The following PTPRN2 variants were observed in gnomAD, a reference collection of about 807,000 sequenced individuals.
PTPRN2 encodes the protein protein tyrosine phosphatase receptor type N2, also known as receptor-type tyrosine-protein phosphatase N2.
Under a neutral mutation model 118.8 loss-of-function variants are expected in PTPRN2, and 74 were observed. The observed-to-expected ratio is 0.62, with a 90% confidence interval of 0.52 to 0.76. PTPRN2 has a LOEUF of 0.76. Among genes scored for constraint, PTPRN2 ranks in the 30% least tolerant of loss-of-function variants. PTPRN2 has a pLI of 0.00. For synonymous variants in PTPRN2, 641 were observed against 608.0 expected, an observed-to-expected ratio of 1.05 and a Z score of -0.80; for missense variants, 1,481 against 1,394.4, an observed-to-expected ratio of 1.06 and a Z score of -0.99.
intron 11 of PTPRN2, among the ~76,000 whole-genome samples, chr7:157,919,292 C>G (rs1310948053): frequency 6.6e-6 from 1 of 152,118 alleles, no homozygotes; most frequent in Non-Finnish European, 1.5e-5. Context: ...ACAAAACTCT[C>G]TCATCATTTG....
rs1017207519 is a variant in PTPRN2 at position 157,583,658 on chromosome 7, C to T, written c.2497-5518G>A. Among the ~76,000 whole-genome samples the T allele has an allele frequency of 6.6e-5, 10 of 152,136 alleles. No homozygotes were observed. Among genetic ancestry groups the T allele is most frequent in the Admixed American group, 1.3e-4 (2 of 15,286 alleles). On this transcript the variant is annotated intron_variant, in intron 17 of 22. Coordinates refer to ENST00000389418, the MANE Select transcript of PTPRN2 (RefSeq NM_002847.5). This position sits in a 1 kb window ranked among gnomAD's most constrained non-coding sequence, Gnocchi z 5.5. Reference sequence around the variant, plus strand: ...CAGCACTTTGGGAGGCCAAGGCAGGCGAATCACTTGAGGTCAGGAGTTCGA... The same window carrying T: ...CAGCACTTTGGGAGGCCAAGGCAGGTGAATCACTTGAGGTCAGGAGTTCGA...
chr7:158,355,628 C>A (rs973329211), intron 2 of PTPRN2, among the ~76,000 whole-genome samples: 11 of 152,326 alleles, frequency 7.2e-5, no homozygotes, highest in Non-Finnish European at 1.3e-4. Context: ...CGCAGCAGTG[C>A]AGAGGGATGT....
intron 11 of PTPRN2, among the ~76,000 whole-genome samples, chr7:158,052,338 C>T (rs779099480): frequency 1.3e-5 from 2 of 152,190 alleles, no homozygotes; most frequent in South Asian, 2.1e-4. Context: ...AATTGGATTG[C>T]GAAAGTTAAA....
At chr7:158,392,001 G>A (rs962969100) in intron 2 of PTPRN2, among the ~76,000 whole-genome samples, 2 of 152,334 alleles carry the variant, frequency 1.3e-5, no homozygotes, top group Non-Finnish European at 1.5e-5. Context: ...AGGAGGGACC[G>A]TTTGCAGGGC....
rs1345980347 is a variant in PTPRN2 at position 157,779,557 on chromosome 7, T to TG, written c.1789-96621dup. 2.0e-5 allele frequency among the ~76,000 whole-genome samples: 3 copies of TG among 151,740 alleles called. No homozygotes were observed. The highest frequency in any genetic ancestry group is 2.0e-4 in the Admixed American group (3 of 15,232). On this transcript the variant is annotated intron_variant, in intron 12 of 22. Transcript: ENST00000389418. The surrounding 1 kb of genome is among the most constrained non-coding windows in gnomAD (Gnocchi z 4.7). ...TTGTCCCCAGCAGGGCGACGGAGGG[T>TG]GGGGGCGGCAGGCTGTCTCCGGTGC...
chr7:158,162,195 C>T (rs1275234952), intron 6 of PTPRN2, among the ~76,000 whole-genome samples: 1 of 152,180 alleles, frequency 6.6e-6, no homozygotes, highest in Non-Finnish European at 1.5e-5. Context: ...GCTTCCAAAA[C>T]CAAACATTCT....
Position 158,406,385 on chromosome 7 carries a change from G to A in PTPRN2, c.163+83350C>T, listed in dbSNP as rs187249026. The stretch of plus-strand genomic sequence containing the variant: ...ACTGAGATCCCGCAGTGGCTCATCC[G>A]TGAGACATGTGGCTGCACACTGAGA... On this transcript the variant is annotated intron_variant, in intron 2 of 22. Transcript: ENST00000389418. Among the ~76,000 whole-genome samples, 193 of 132,100 alleles carry A rather than the reference G, an allele frequency of 1.5e-3. 14 individuals are homozygous for A. The highest frequency in any genetic ancestry group is 0.012 in the South Asian group (48 of 4,130). The allele number at this position is 132,100 out of a possible 152,430, so 86.7% of individuals were successfully genotyped here. A position where few individuals can be genotyped will look rare whatever the true frequency, so the allele number is the denominator to read the frequency against.
intron 21 of PTPRN2, among the ~76,000 whole-genome samples, chr7:157,564,668 A>G (rs991044784): frequency 1.7e-4 from 26 of 152,270 alleles, no homozygotes; most frequent in African/African-American, 6.0e-4. Flanking sequence ...CAAATGGCCA[A>G]TAAGCCATTA....
At position 158,301,737 on chromosome 7, in the gene PTPRN2, CCAGG is replaced by C. The variant is rs779300228; in HGVS notation, c.277+15078_277+15081del. On this transcript the variant is annotated intron_variant, in intron 3 of 22. Transcript: ENST00000389418. ...GCCAAGGCAGGTGCATTGCTTGAGC[CCAGG>C]AGTTTGAGACCAGCCTGGGCAACAT... 4.6e-5 allele frequency among the ~76,000 whole-genome samples: 7 copies of C among 152,204 alleles called. No individual in the cohort carries two copies. In the South Asian group the frequency reaches 1.5e-3, roughly 32 times the overall value.
At chr7:157,854,428 A>G (rs1253963360) in intron 12 of PTPRN2, 1 of 152,376 alleles carries the variant, frequency 6.6e-6, no homozygotes, top group African/African-American at 2.4e-5. Flanking sequence ...GTGGCCAGGA[A>G]AGCAGTCAGA....
At chr7:157,898,584 G>T in intron 12 of PTPRN2, 89 bp downstream of exon 12, 1 of 1,304,176 alleles carries the variant, frequency 7.7e-7, no homozygotes, top group Non-Finnish European at 1.1e-6. Context: ...GAATTAACCT[G>T]CAGGTCCAGC....
At chr7:158,317,199 C>T (rs909879367) in intron 2 of PTPRN2, among the ~76,000 whole-genome samples, 1 of 152,198 alleles carries the variant, frequency 6.6e-6, no homozygotes, top group African/African-American at 2.4e-5. Flanking sequence ...TTCCTCCATA[C>T]CCCCCGAGCC....
Position 158,587,686 on chromosome 7 carries a change from G to A in PTPRN2, c.-17C>T, listed in dbSNP as rs1270637039. ...CGGCCCCATCCCCGCGGCCTGGCCG[G>A]CGGCGCTCAGTCCATGGCCGCGCGG... On this transcript the variant is annotated 5_prime_UTR_variant, in exon 1 of 23. Coordinates refer to ENST00000389418, the MANE Select transcript of PTPRN2 (RefSeq NM_002847.5). 3.8e-6 allele frequency: 5 copies of A among 1,309,376 alleles called. No individual in the cohort carries two copies. The African/African-American group carries it at 7.9e-5, about 21-fold the overall frequency. The allele number at this position is 1,309,376 out of a possible 1,614,324, so 81.1% of individuals were successfully genotyped here.
intron 11 of PTPRN2, among the ~76,000 whole-genome samples, chr7:157,950,093 A>G (rs955125397): frequency 6.6e-6 from 1 of 152,240 alleles, no homozygotes; most frequent in African/African-American, 2.4e-5. Context: ...ATAAAACTTT[A>G]AAGTTTGTGT....
At chr7:157,669,577 G>A (rs752032085) in intron 13 of PTPRN2, 13 of 484,750 alleles carry the variant, frequency 2.7e-5, no homozygotes, top group South Asian at 1.4e-4. Flanking sequence ...TTCCACGCAC[G>A]GGCAAACAAG....
chr7:157,701,240 C>T (rs540104751), intron 12 of PTPRN2, among the ~76,000 whole-genome samples: 8 of 152,300 alleles, frequency 5.3e-5, no homozygotes, highest in African/African-American at 1.7e-4. Context: ...TGCGAACCCA[C>T]ACACTGAGGG....
intron 2 of PTPRN2, among the ~76,000 whole-genome samples, chr7:158,386,336 T>C (rs1294620217): frequency 2.5e-5 from 2 of 78,644 alleles, no homozygotes; most frequent in South Asian, 5.0e-4. Flanking sequence ...AGTCCCTCCT[T>C]CTGTACCCCT....
intron 2 of PTPRN2, among the ~76,000 whole-genome samples, chr7:158,436,198 T>A (rs528551577): frequency 1.6e-4 from 24 of 152,246 alleles, no homozygotes; most frequent in Admixed American, 1.3e-4. Flanking sequence ...ATATTCGTGT[T>A]GATTTACCAA....
intron 10 of PTPRN2, among the ~76,000 whole-genome samples, chr7:158,084,714 C>T (rs906650541): frequency 2.7e-5 from 4 of 145,610 alleles, no homozygotes; most frequent in African/African-American, 7.6e-5. Flanking sequence ...CATCCACACC[C>T]ACGACACTCA....
Sources: gnomAD v4.1 joint callset for allele counts (sites outside exome capture counted in the v4.1 genomes callset) on GRCh38, gnomAD v4.1.1 for gene constraint, Gnocchi (gnomAD v3.1) non-coding constraint, MANE v1.5 for transcripts, NCBI Gene and HGNC (gene_info 2026-07-23, HGNC 2026-07-21) for gene names.